Variants in PRDM11 observed in about 807,000 individuals in gnomAD.
PRDM11 encodes the protein PR domain-containing protein 11.
Under a neutral mutation model 97.8 loss-of-function variants are expected in PRDM11, and 20 were observed. The observed-to-expected ratio is 0.20, with a 90% confidence interval of 0.14 to 0.30. PRDM11 has a LOEUF of 0.30. Ranked by LOEUF, PRDM11 falls within the 10% of genes least tolerant of loss-of-function variation. The probability of loss-of-function intolerance (pLI) is 1.00; values close to 1 mark genes in which losing one functional copy is unlikely to be tolerated. For synonymous variants in PRDM11, 599 were observed against 637.7 expected, an observed-to-expected ratio of 0.94 and a Z score of 0.91; for missense variants, 1,139 against 1,555.2, an observed-to-expected ratio of 0.73 and a Z score of 4.50.
At chr11:45,115,686 T>C (rs1852285294) in intron 1 of PRDM11, among the ~76,000 whole-genome samples, 1 of 151,934 alleles carries the variant, frequency 6.6e-6, no homozygotes, top group South Asian at 2.1e-4. Context: ...TCCCAGCACT[T>C]TGGGAGGCTG....
intron 4 of PRDM11, among the ~76,000 whole-genome samples, chr11:45,192,503 C>G (rs1306997673): frequency 2.6e-5 from 4 of 152,312 alleles, no homozygotes; most frequent in African/African-American, 9.6e-5. Flanking sequence ...TGCTCATGAA[C>G]CAGTTCTGGC....
intron 1 of PRDM11, among the ~76,000 whole-genome samples, chr11:45,172,558 A>C (rs562851552): frequency 6.6e-6 from 1 of 152,120 alleles, no homozygotes; most frequent in Non-Finnish European, 1.5e-5. Flanking sequence ...TTAGCCAGGA[A>C]CCAGGGACAA....
rs1167990052 is a variant in PRDM11, at chr11:45,232,363, A to AC, written c.*4209dup. On this transcript the variant is annotated 3_prime_UTR_variant, in exon 8 of 8. Coordinates refer to ENST00000683152, the MANE Select transcript of PRDM11 (RefSeq NM_001384648.1). ...GGATCCCCCCTTTCATTTTCCTTCT[A>AC]CCCCCTCTAGGAATGGGAGTTCTAG... is the stretch of plus-strand genomic sequence containing the variant. The AC allele has an allele frequency of 3.3e-5, 5 of 151,000 alleles. No individual in the cohort carries two copies. The highest frequency in any genetic ancestry group is 1.2e-4 in the African/African-American group (5 of 40,954). The allele number at this position is 151,000 out of a possible 1,614,324, so 9.4% of individuals were successfully genotyped here.
intron 1 of PRDM11, among the ~76,000 whole-genome samples, chr11:45,154,868 C>A (rs1851752500): frequency 6.6e-6 from 1 of 152,176 alleles, no homozygotes; most frequent in Non-Finnish European, 1.5e-5. Context: ...ACATTCTAAC[C>A]CCAAATCTAG....
chr11:45,208,509 T>C (rs1354418741), intron 5 of PRDM11, among the ~76,000 whole-genome samples: 1 of 152,190 alleles, frequency 6.6e-6, no homozygotes, highest in East Asian at 1.9e-4. Flanking sequence ...CATCATGATG[T>C]GTTTCCCTCC....
chr11:45,185,879 G>C lies in PRDM11; in HGVS notation c.486+2756G>C, dbSNP rs150078017. 2.3e-3 allele frequency among the ~76,000 whole-genome samples: 352 copies of C among 152,156 alleles called. 2 individuals are homozygous for C. Among genetic ancestry groups the C allele is most frequent in the African/African-American group, 8.3e-3 (344 of 41,514 alleles). ...TGGGAGCGATGATCTTGGATTACCT[G>C]GGTGGGCCCAGTGTAATCACAGGCA... On this transcript the variant is annotated intron_variant, in intron 4 of 7. Transcript: ENST00000683152.
intron 1 of PRDM11, chr11:45,147,287 C>G (rs533701135): frequency 6.0e-5 from 9 of 149,436 alleles, no homozygotes; most frequent in South Asian, 4.2e-4. Context: ...CGCGGTGACA[C>G]GGACGGGGCG....
chr11:45,226,097 A>T lies in PRDM11; in HGVS notation c.1472A>T (p.Asp491Val), dbSNP rs1177921465. ...TCCAATGATATGATGACAGCGACGG[A>T]TGAGCCCTCCAAGATGTCATCGGCC... ...SVSNDMMTAT[D>V]EPSKMSSATG... The change falls in exon 8 of 8, where the codon GAT (aspartate) becomes GTT (valine). Residue 491 changes from aspartate to valine, a missense_variant. This residue lies in a region of PRDM11 where 710 missense variants were observed against 1,044.9 expected (regional missense o/e 0.68). Coordinates refer to ENST00000683152, the MANE Select transcript of PRDM11 (RefSeq NM_001384648.1). The T allele has an allele frequency of 6.5e-7, 1 of 1,532,582 alleles. No homozygotes were observed. The highest frequency in any genetic ancestry group is 2.0e-5 in the Admixed American group (1 of 50,980). 94.9% of individuals were successfully genotyped at this position (1,532,582 alleles called of 1,614,324 possible). A position where few individuals can be genotyped will look rare whatever the true frequency, so the allele number is the denominator to read the frequency against.
intron 4 of PRDM11, among the ~76,000 whole-genome samples, chr11:45,191,584 G>C (rs1041007460): frequency 6.6e-6 from 1 of 151,906 alleles, no homozygotes; most frequent in African/African-American, 2.4e-5. Flanking sequence ...CCCTAGATTT[G>C]GCCAGTGGGA....
intron 7 of PRDM11, 28 bp downstream of exon 7, chr11:45,224,871 C>T (rs200495220): frequency 1.8e-4 from 297 of 1,609,784 alleles, no homozygotes; most frequent in Admixed American, 4.3e-4. Context: ...AGATTATTGT[C>T]GGAGGGCAGA....
chr11:45,102,380 GA>G (rs1486767004), intron 1 of PRDM11, among the ~76,000 whole-genome samples: 1 of 152,042 alleles, frequency 6.6e-6, no homozygotes, highest in African/African-American at 2.4e-5. Flanking sequence ...TTAGTTTCTG[GA>G]AAGCTGGCTT....
chr11:45,152,460 C>T (rs1317198056), intron 1 of PRDM11, among the ~76,000 whole-genome samples: 1 of 152,212 alleles, frequency 6.6e-6, no homozygotes, highest in Non-Finnish European at 1.5e-5. Context: ...TTATCCCATG[C>T]CCCATGTTTT....
chr11:45,215,074 C>T (rs373591998), intron 5 of PRDM11, among the ~76,000 whole-genome samples: 9 of 152,244 alleles, frequency 5.9e-5, no homozygotes, highest in African/African-American at 2.2e-4. Context: ...ATCACCGTTT[C>T]GGACAGGAGG....
upstream of PRDM11, among the ~76,000 whole-genome samples, chr11:45,143,614 C>T (rs1302744099): frequency 6.6e-6 from 1 of 152,170 alleles, no homozygotes; most frequent in African/African-American, 2.4e-5. Flanking sequence ...AAATGACTAA[C>T]AGCAGATGAC....
chr11:45,155,027 A>C (rs1851757293), intron 1 of PRDM11, among the ~76,000 whole-genome samples: 1 of 152,138 alleles, frequency 6.6e-6, no homozygotes, highest in East Asian at 1.9e-4. Flanking sequence ...TTGGGGTAGA[A>C]AGGGGGGTAG....
chr11:45,200,606 C>T, intron 4 of PRDM11, among the ~76,000 whole-genome samples: 1 of 152,238 alleles, frequency 6.6e-6, no homozygotes. Context: ...GCTCCTACTA[C>T]TGGCTGTAGG....
intron 1 of PRDM11, among the ~76,000 whole-genome samples, chr11:45,149,270 G>A (rs1370465952): frequency 1.3e-5 from 2 of 152,216 alleles, no homozygotes; most frequent in African/African-American, 2.4e-5. Context: ...AGTCTTTCCA[G>A]TGTGTTGGGG....
chr11:45,176,137 G>A (rs948426791), intron 1 of PRDM11, among the ~76,000 whole-genome samples: 6 of 152,004 alleles, frequency 3.9e-5, no homozygotes, highest in Non-Finnish European at 5.9e-5. Flanking sequence ...ATCCCAGCAC[G>A]GATCCCAGGG....
chr11:45,126,282 CTT>C (rs1378707640), intron 1 of PRDM11, among the ~76,000 whole-genome samples: 1 of 152,016 alleles, frequency 6.6e-6, no homozygotes, highest in African/African-American at 2.4e-5. Context: ...AGTCTTGACT[CTT>C]TATCCAATTT....
Sources: allele counts gnomAD v4.1 joint callset (sites outside exome capture counted in the v4.1 genomes callset), GRCh38; gene constraint gnomAD v4.1.1; regional missense constraint gnomAD v4.1.1; transcripts MANE v1.5; gene names NCBI Gene and HGNC (gene_info 2026-07-23, HGNC 2026-07-21).